AARS1: variants seen among roughly 807,000 people sequenced by gnomAD.
The protein encoded by AARS1 is alanine--tRNA ligase, cytoplasmic.
AARS1 carries 72 observed loss-of-function variants against 108.9 expected under a neutral mutation model. That is an observed-to-expected ratio of 0.66 (90% CI 0.55 to 0.80). The LOEUF is 0.80. Among genes scored for constraint, AARS1 ranks in the 30% least tolerant of loss-of-function variants. The probability of loss-of-function intolerance (pLI) is 0.00; values close to 1 mark genes in which losing one functional copy is unlikely to be tolerated. For missense variants in AARS1, 1,193 were observed against 1,233.2 expected, an observed-to-expected ratio of 0.97 and a Z score of 0.49; for synonymous variants, 489 against 465.7, an observed-to-expected ratio of 1.05 and a Z score of -0.64.
intron 2 of AARS1, among the ~76,000 whole-genome samples, chr16:70,281,064 A>C (rs1224968486): frequency 6.6e-6 from 1 of 152,168 alleles, no homozygotes; most frequent in Non-Finnish European, 1.5e-5. Flanking sequence ...TTCTGGATTC[A>C]AGTGACCTAT....
rs529095312 is a variant in AARS1 at position 70,253,423 on chromosome 16, G to A, written c.2608-42C>T. ...GCTCAGGCCACGGTGCTGGAGCAGG[G>A]ACCCTCACTAGTGTGAGCATTTGCA... On this transcript the variant is annotated intron_variant, in intron 19 of 20. Transcript: ENST00000261772. 13 of 1,492,260 alleles carry A rather than the reference G, an allele frequency of 8.7e-6. No homozygotes were observed. The South Asian group carries it at 1.4e-4, about 16-fold the overall frequency. The allele number at this position is 1,492,260 out of a possible 1,614,324, so 92.4% of individuals were successfully genotyped here.
At position 70,277,116 on chromosome 16, in the gene AARS1, G is replaced by T; in HGVS notation, c.183C>A (p.His61Gln). The change falls in exon 3 of 21, where the codon CAC (histidine) becomes CAA (glutamine). Residue 61 changes from histidine to glutamine, a missense_variant. Transcript: ENST00000261772. ...CAGCTCTGCTCAGCTTTGCCATGGGGTGAGATGGGTCAATTGTGTTCAGGA... is the reference window on the plus strand; with the variant it reads ...CAGCTCTGCTCAGCTTTGCCATGGGTTGAGATGGGTCAATTGTGTTCAGGA... ...PIFLNTIDPS[H>Q]PMAKLSRAAN... 22 of 1,614,184 alleles carry T rather than the reference G, an allele frequency of 1.4e-5. No individual in the cohort carries two copies. The highest frequency in any genetic ancestry group is 1.9e-5 in the Non-Finnish European group (22 of 1,180,042).
chr16:70,273,274 C>G (rs540375379), intron 4 of AARS1, among the ~76,000 whole-genome samples: 1 of 152,254 alleles, frequency 6.6e-6, no homozygotes, highest in African/African-American at 2.4e-5. Flanking sequence ...ATGGACAGCC[C>G]AGCTGTCTAC....
Position 70,272,279 on chromosome 16 carries a change from C to A in AARS1, c.480-307G>T, listed in dbSNP as rs573432197. ...CAGCATTTTGGGAGGCCGAGGCGGG[C>A]GGATCACCTGAGGTTGGGAGTTTGA... On this transcript the variant is annotated intron_variant, in intron 4 of 20. Coordinates refer to ENST00000261772, the MANE Select transcript of AARS1 (RefSeq NM_001605.3). 1.8e-3 allele frequency among the ~76,000 whole-genome samples: 271 copies of A among 151,480 alleles called. 1 individual carries two copies. Among genetic ancestry groups the A allele is most frequent in the Middle Eastern group, 0.017 (5 of 288 alleles).
In AARS1 at chr16:70,267,642, CA is replaced by C. The variant is rs748889882; in HGVS notation, c.1222+16del. 9.3e-6 allele frequency: 15 copies of C among 1,614,116 alleles called. No individual in the cohort carries two copies. Among genetic ancestry groups the C allele is most frequent in the Admixed American group, 3.3e-5 (2 of 59,990 alleles). On this transcript the variant is annotated intron_variant, in intron 9 of 20. Transcript: ENST00000261772. ...ATCAAACGGCCAGGATGGAGAAGGG[CA>C]AAAACTGGTACCTACCGGGAATGGT...
At position 70,289,436 on chromosome 16, in the gene AARS1, C is replaced by G; in HGVS notation, c.-37G>C. 2 of 404,604 alleles carry G rather than the reference C, an allele frequency of 4.9e-6. No homozygotes were observed. The highest frequency in any genetic ancestry group is 9.9e-6 in the Non-Finnish European group (2 of 201,030). 25.1% of individuals were successfully genotyped at this position (404,604 alleles called of 1,614,324 possible). A position where few individuals can be genotyped will look rare whatever the true frequency, so the allele number is the denominator to read the frequency against. On this transcript the variant is annotated 5_prime_UTR_variant, in exon 1 of 21. Coordinates refer to ENST00000261772, the MANE Select transcript of AARS1 (RefSeq NM_001605.3). Reference sequence around the variant, plus strand: ...GGCGGCCTACCTCTCCTAGGGTCGCCGTCCCCAGCTCCTCCCTCAGAGTCC... The same window carrying G: ...GGCGGCCTACCTCTCCTAGGGTCGCGGTCCCCAGCTCCTCCCTCAGAGTCC...
intron 5 of AARS1, among the ~76,000 whole-genome samples, chr16:70,270,589 A>G (rs998986159): frequency 1.3e-5 from 2 of 152,134 alleles, no homozygotes; most frequent in African/African-American, 4.8e-5. Context: ...CTGTAATCCC[A>G]GCACTTTGGG....
chr16:70,253,473 C>T (rs1167275157), intron 19 of AARS1, 92 bp from the exon 20 acceptor site: 5 of 1,157,916 alleles, frequency 4.3e-6, no homozygotes, highest in Admixed American at 1.9e-5. Context: ...TGCCACCCAC[C>T]CCTACCCCTT....
At chr16:70,255,606 C>T in intron 16 of AARS1, 122 bp downstream of exon 16, 1 of 881,772 alleles carries the variant, frequency 1.1e-6, no homozygotes, top group Admixed American at 2.0e-5. Context: ...GGGGGAGTGG[C>T]CCAGCCTGTA....
At chr16:70,269,322 G>GAAAAAAAAAAAAAAAAAAAAAAAAAAAA (rs56394253) in intron 7 of AARS1, among the ~76,000 whole-genome samples, 2 of 64,268 alleles carry the variant, frequency 3.1e-5, no homozygotes, top group Admixed American at 2.1e-4. Flanking sequence ...TTCTGTCTCA[G>GAAAAAAAAAAAAAAAAAAAAAAAAAAAA]AAAAAAAAAA....
chr16:70,279,292 AG>A (rs1173127052), intron 2 of AARS1, among the ~76,000 whole-genome samples: 1 of 137,510 alleles, frequency 7.3e-6, no homozygotes, highest in Non-Finnish European at 1.5e-5. Flanking sequence ...CAGAGGTTGC[AG>A]TGAGCTGAGA....
intron 12 of AARS1, among the ~76,000 whole-genome samples, chr16:70,261,667 T>C (rs1399718698): frequency 1.6e-5 from 2 of 125,384 alleles, no homozygotes; most frequent in South Asian, 2.3e-4. Context: ...AGGAGCATCT[T>C]AGAATTTTTT....
chr16:70,288,238 G>A (rs907124734), intron 1 of AARS1, among the ~76,000 whole-genome samples: 3 of 151,648 alleles, frequency 2.0e-5, no homozygotes, highest in Non-Finnish European at 2.9e-5. Context: ...GAGTAGCTGG[G>A]ACTACTGGGA....
In AARS1 at chr16:70,267,723, G is replaced by C; in HGVS notation, c.1158C>G (p.Leu386=). 1 of 1,614,168 alleles carries C rather than the reference G, an allele frequency of 6.2e-7. No individual in the cohort carries two copies. Among genetic ancestry groups the C allele is most frequent in the Non-Finnish European group, 8.5e-7 (1 of 1,180,036 alleles). ...TGTCCAGGATGCGACGCCCTCTGCT[G>C]AGAGTCTTGAGAAACTGCACCTCTT... ...NEEEVQFLKT[L]SRGRRILDRK... Residue 386 remains leucine (L), a synonymous_variant, in exon 9 of 21, where the codon CTC becomes CTG. Coordinates refer to ENST00000261772, the MANE Select transcript of AARS1 (RefSeq NM_001605.3).
chr16:70,270,125 T>C (rs1025499498), intron 6 of AARS1, 71 bp downstream of exon 6: 1 of 1,582,802 alleles, frequency 6.3e-7, no homozygotes, highest in Non-Finnish European at 8.7e-7. Flanking sequence ...ATTTTTTCTT[T>C]GACAGCACTG....
At chr16:70,273,152 T>A (rs1211564248) in intron 4 of AARS1, among the ~76,000 whole-genome samples, 6 of 151,246 alleles carry the variant, frequency 4.0e-5, no homozygotes. Flanking sequence ...ATATCTAGAG[T>A]AAAAGTAATT....
intron 1 of AARS1, among the ~76,000 whole-genome samples, chr16:70,286,652 A>T (rs1482252942): frequency 6.6e-6 from 1 of 151,426 alleles, no homozygotes; most frequent in Non-Finnish European, 1.5e-5. Context: ...CCTGGCTAAC[A>T]CGGTGAAACC....
chr16:70,258,233 G>C lies in AARS1; in HGVS notation c.1993-16C>G, dbSNP rs1470035730. The C allele has an allele frequency of 3.2e-6, 5 of 1,575,120 alleles. No individual in the cohort carries two copies. The highest frequency in any genetic ancestry group is 1.8e-5 in the Admixed American group (1 of 54,924). ...TATAGACGGCCTGCCAGACCAAGAAGACAGAAAAGAGCTGGAAGAGATCCC... is the reference window on the plus strand; with the variant it reads ...TATAGACGGCCTGCCAGACCAAGAACACAGAAAAGAGCTGGAAGAGATCCC... On this transcript the variant is annotated splice_polypyrimidine_tract_variant and intron_variant, in intron 14 of 20. Transcript: ENST00000261772.
At position 70,259,191 on chromosome 16, in the gene AARS1, A is replaced by G. The variant is rs77814513; in HGVS notation, c.1786-5T>C. On this transcript the variant is annotated splice_polypyrimidine_tract_variant and splice_region_variant and intron_variant, in intron 13 of 20. Coordinates refer to ENST00000261772, the MANE Select transcript of AARS1 (RefSeq NM_001605.3). The stretch of plus-strand genomic sequence containing the variant: ...CATGATGGGTCTTCGTCGGGGCTGG[A>G]AAGGGCAGAGGGGCTCATGGAGAGG... The G allele has an allele frequency of 5.1e-5, 82 of 1,613,582 alleles. No individual in the cohort carries two copies. Among genetic ancestry groups the G allele is most frequent in the South Asian group, 9.9e-5 (9 of 91,052 alleles).
Sources: gnomAD v4.1 joint callset for allele counts (sites outside exome capture counted in the v4.1 genomes callset) on GRCh38, gnomAD v4.1.1 for gene constraint, MANE v1.5 for transcripts, NCBI Gene and HGNC (gene_info 2026-07-23, HGNC 2026-07-21) for gene names.